Variants in AGA observed in about 807,000 individuals in gnomAD.
The protein encoded by AGA is aspartylglucosaminidase.
A neutral mutation model predicts 40.1 loss-of-function variants in AGA; 31 were observed. That is an observed-to-expected ratio of 0.77 (90% CI 0.58 to 1.04). The LOEUF (loss-of-function observed/expected upper bound fraction) is 1.04. Among genes scored for constraint, AGA ranks in the 50% least tolerant of loss-of-function variants. AGA has a pLI of 0.00. For synonymous variants in AGA, 148 were observed against 144.0 expected (o/e 1.03, Z -0.20); for missense variants, 445 against 435.4 (o/e 1.02, Z -0.20).
At chr4:177,439,536 CAA>C in intron 3 of AGA, 38 bp downstream of exon 3, 2 of 1,422,152 alleles carry the variant, frequency 1.4e-6, no homozygotes, top group East Asian at 2.3e-5. Flanking sequence ...AAACTATAGT[CAA>C]AAGACTAGAA....
At chr4:177,440,230 A>T (rs1181245688) in intron 2 of AGA, 43 bp downstream of exon 2, 2 of 1,610,458 alleles carry the variant, frequency 1.2e-6, no homozygotes, top group Admixed American at 3.3e-5. Flanking sequence ...ACAACTCTAA[A>T]TGTAACTCAA....
Position 177,440,032 on chromosome 4 carries a change from T to C in AGA, c.281+241A>G, listed in dbSNP as rs1174630302. 8.4e-6 allele frequency: 5 copies of C among 597,262 alleles called. 1 individual carries two copies. The Admixed American group carries it at 8.9e-5, about 11-fold the overall frequency. 37.0% of individuals were successfully genotyped at this position (597,262 alleles called of 1,614,324 possible). On this transcript the variant is annotated intron_variant, in intron 2 of 8. Transcript: ENST00000264595. ...ATGATTGTTTATAAGGTCAGAGACATAGTTTTTTAGCTTGGCATTCTCCCA... is the reference window on the plus strand; with the variant it reads ...ATGATTGTTTATAAGGTCAGAGACACAGTTTTTTAGCTTGGCATTCTCCCA...
chr4:177,436,439 G>A, intron 5 of AGA, 88 bp from the exon 6 acceptor site: 2 of 1,050,808 alleles, frequency 1.9e-6, no homozygotes, highest in South Asian at 1.3e-5. Flanking sequence ...AATAACTGCT[G>A]TGCTCTGAAT....
In AGA at chr4:177,431,460, TA is replaced by T; in HGVS notation, c.*247del. The stretch of plus-strand genomic sequence containing the variant: ...ACTGATCAGAAATCCAAGTGTCACT[TA>T]AAACTTAAATATATACAAAATACAG... On this transcript the variant is annotated 3_prime_UTR_variant, in exon 9 of 9. Transcript: ENST00000264595. 1.9e-6 allele frequency: 1 copy of T among 519,492 alleles called. No homozygotes were observed. The highest frequency in any genetic ancestry group is 3.5e-6 in the Non-Finnish European group (1 of 286,030). 32.2% of individuals were successfully genotyped at this position (519,492 alleles called of 1,614,324 possible). A position where few individuals can be genotyped will look rare whatever the true frequency, so the allele number is the denominator to read the frequency against.
chr4:177,442,387 G>A lies in AGA; in HGVS notation c.-12C>T, dbSNP rs1423100091. Reference sequence around the variant, plus strand: ...GACTTCCGCGCCATCCCTGACCACCGAAGAGACCAGCGCGAGAAAAGTCCC... The same window carrying A: ...GACTTCCGCGCCATCCCTGACCACCAAAGAGACCAGCGCGAGAAAAGTCCC... On this transcript the variant is annotated 5_prime_UTR_variant, in exon 1 of 9. Transcript: ENST00000264595. 4 of 1,613,900 alleles carry A rather than the reference G, an allele frequency of 2.5e-6. No individual in the cohort carries two copies. The highest frequency in any genetic ancestry group is 2.5e-6 in the Non-Finnish European group (3 of 1,179,888).
Position 177,431,661 on chromosome 4 carries a change from CTT to C in AGA, c.*45_*46del, listed in dbSNP as rs556737616. ...GATGAGAGTGAGCAGCCTTTTCAGC[CTT>C]TGTTTCTTTCTTCTTTAAATACAGA... On this transcript the variant is annotated 3_prime_UTR_variant, in exon 9 of 9. Transcript: ENST00000264595. 3.4e-5 allele frequency: 51 copies of C among 1,503,638 alleles called. No individual in the cohort carries two copies. In the East Asian group the frequency reaches 7.7e-4, roughly 23 times the overall value. The allele number at this position is 1,503,638 out of a possible 1,614,324, so 93.1% of individuals were successfully genotyped here. A position where few individuals can be genotyped will look rare whatever the true frequency, so the allele number is the denominator to read the frequency against.
At chr4:177,435,554 AT>A (rs1055021105) in intron 6 of AGA, among the ~76,000 whole-genome samples, 3 of 152,126 alleles carry the variant, frequency 2.0e-5, no homozygotes, top group Admixed American at 6.5e-5. Flanking sequence ...CTTTTACCAG[AT>A]TTTTTTCTAG....
chr4:177,441,086 G>A (rs1304021589), intron 1 of AGA, among the ~76,000 whole-genome samples: 1 of 152,118 alleles, frequency 6.6e-6, no homozygotes, highest in East Asian at 1.9e-4. Flanking sequence ...TGGGGGGAAG[G>A]GTCTTTGATG....
At chr4:177,432,351 C>T (rs1250645836) in intron 8 of AGA, among the ~76,000 whole-genome samples, 2 of 152,068 alleles carry the variant, frequency 1.3e-5, no homozygotes, top group Non-Finnish European at 2.9e-5. Flanking sequence ...TAAATTCATC[C>T]ACAATTATAT....
At chr4:177,439,153 C>G (rs902824525) in intron 3 of AGA, among the ~76,000 whole-genome samples, 1 of 152,036 alleles carries the variant, frequency 6.6e-6, no homozygotes. Flanking sequence ...GAGGCTGAGG[C>G]GGGTGGATCA....
At chr4:177,442,050 G>T (rs773774097) in intron 1 of AGA, among the ~76,000 whole-genome samples, 199 bp downstream of exon 1, 3 of 152,220 alleles carry the variant, frequency 2.0e-5, no homozygotes, top group Non-Finnish European at 4.4e-5. Context: ...CGGTAGGTGG[G>T]GAGGATGCAG....
Position 177,433,313 on chromosome 4 carries a change from C to T in AGA, c.841G>A (p.Asp281Asn). The T allele has an allele frequency of 6.2e-7, 1 of 1,614,060 alleles. No individual in the cohort carries two copies. Among genetic ancestry groups the T allele is most frequent in the Non-Finnish European group, 8.5e-7 (1 of 1,179,976 alleles). ...ACTTTTTGGCAAGCTATGGTTGGAT[C>T]TTCTCCTCTTCTCATGTATTCTACA... ...QAVEYMRRGE[D>N]PTIACQKVIS... Residue 281 changes from aspartate (D) to asparagine (N), a missense_variant, in exon 8 of 9, where the codon GAT becomes AAT. Transcript: ENST00000264595.
Position 177,433,103 on chromosome 4 carries a change from G to T in AGA, c.940+111C>A, listed in dbSNP as rs920196611. 3 of 1,450,998 alleles carry T rather than the reference G, an allele frequency of 2.1e-6. No individual in the cohort carries two copies. In the South Asian group the frequency reaches 3.5e-5, roughly 17 times the overall value. The allele number at this position is 1,450,998 out of a possible 1,614,324, so 89.9% of individuals were successfully genotyped here. ...AACATTTACTCAATGCCCACTTAAG[G>T]AGTCTCTTTTTCTATTGAATATAGT... On this transcript the variant is annotated intron_variant, in intron 8 of 8. Transcript: ENST00000264595.
chr4:177,434,546 C>A, intron 6 of AGA, 57 bp from the exon 7 acceptor site: 1 of 1,404,492 alleles, frequency 7.1e-7, no homozygotes, highest in Non-Finnish European at 1.0e-6. Flanking sequence ...CACATTAAGT[C>A]ATAAGCTGTT....
Position 177,433,252 on chromosome 4 carries a change from A to G in AGA, c.902T>C (p.Phe301Ser), listed in dbSNP as rs35916166. 1,208 of 1,614,130 alleles carry G rather than the reference A, an allele frequency of 7.5e-4. 5 individuals carry two copies. In the African/African-American group the frequency reaches 0.012, roughly 16 times the overall value. ...SRIQKHFPEFFGAVICANVTG... is the reference protein window; with the variant it reads ...SRIQKHFPEFSGAVICANVTG... ...CACATTGGCACATATAACAGCCCCA[A>G]AGAATTCTGGAAAATGCTTCTGGAT... Residue 301 changes from phenylalanine (F) to serine (S), a missense_variant, in exon 8 of 9, where the codon TTT becomes TCT. Transcript: ENST00000264595.
In AGA at chr4:177,432,825, A is replaced by G. The variant is rs1736673013; in HGVS notation, c.940+389T>C. On this transcript the variant is annotated intron_variant, in intron 8 of 8. Transcript: ENST00000264595. Reference sequence around the variant, plus strand: ...TCTTTGGAGCCCCGAGAAGATCTAAATGGCTGAGGCATTTAAATAATGAAT... The same window carrying G: ...TCTTTGGAGCCCCGAGAAGATCTAAGTGGCTGAGGCATTTAAATAATGAAT... 2.0e-5 allele frequency among the ~76,000 whole-genome samples: 3 copies of G among 152,342 alleles called. No individual in the cohort carries two copies. In the South Asian group the frequency reaches 6.2e-4, roughly 32 times the overall value.
chr4:177,436,626 CAAG>C (rs1331962454), intron 5 of AGA, among the ~76,000 whole-genome samples: 1 of 152,170 alleles, frequency 6.6e-6, no homozygotes, highest in Non-Finnish European at 1.5e-5. Context: ...GACGACACAG[CAAG>C]AAGACGCCAT....
rs1033514108 is a variant in AGA, at chr4:177,437,059, G to A, written c.622+346C>T. The A allele has an allele frequency of 5.0e-5, 15 of 301,458 alleles. No homozygotes were observed. The East Asian group carries it at 6.3e-4, about 13-fold the overall frequency. 18.7% of individuals were successfully genotyped at this position (301,458 alleles called of 1,614,324 possible). On this transcript the variant is annotated intron_variant, in intron 5 of 8. Coordinates refer to ENST00000264595, the MANE Select transcript of AGA (RefSeq NM_000027.4). ...GTCTGTGGTAGTCTGTTATAACAGC[G>A]AAAAACAAACTAAGACATAGACTAA...
chr4:177,440,772 C>T (rs1240751549), intron 1 of AGA, among the ~76,000 whole-genome samples: 1 of 151,928 alleles, frequency 6.6e-6, no homozygotes, highest in Admixed American at 6.6e-5. Flanking sequence ...AATAAAAAAT[C>T]CACTAAACCG....
Sources: gnomAD v4.1 joint callset for allele counts (sites outside exome capture counted in the v4.1 genomes callset) on GRCh38, gnomAD v4.1.1 for gene constraint, MANE v1.5 for transcripts, NCBI Gene and HGNC (gene_info 2026-07-23, HGNC 2026-07-21) for gene names.